The following WWOX variants were observed in gnomAD, a reference collection of about 807,000 sequenced individuals.
WWOX encodes the protein WW domain containing oxidoreductase, also known as WW domain-containing oxidoreductase.
Under a neutral mutation model 46.2 loss-of-function variants are expected in WWOX, and 69 were observed. That is an observed-to-expected ratio of 1.49 (90% CI 1.23 to 1.82). WWOX has a LOEUF of 1.82. Among genes scored for constraint, WWOX ranks in the 40% most tolerant of loss-of-function variants. The pLI, the probability that WWOX is intolerant of heterozygous loss-of-function variation, is 0.00. For synonymous variants in WWOX, 359 were observed against 202.6 expected (o/e 1.77, Z -6.56); for missense variants, 919 against 542.6 (o/e 1.69, Z -6.89).
chr16:78,285,951 C>T (rs1219142738), intron 5 of WWOX, among the ~76,000 whole-genome samples: 1 of 152,168 alleles, frequency 6.6e-6, no homozygotes, highest in Non-Finnish European at 1.5e-5. Context: ...CGACCTAAAG[C>T]CTGCTAGTGA....
At chr16:78,458,624 C>T (rs1463613741) in intron 8 of WWOX, among the ~76,000 whole-genome samples, 3 of 151,668 alleles carry the variant, frequency 2.0e-5, no homozygotes, top group African/African-American at 7.3e-5. Context: ...CATATGTGGT[C>T]ATTTAAAATT....
At chr16:78,559,129 A>G (rs1308806571) in intron 8 of WWOX, among the ~76,000 whole-genome samples, 1 of 152,216 alleles carries the variant, frequency 6.6e-6, no homozygotes, top group African/African-American at 2.4e-5. Flanking sequence ...GCTTGGAGAT[A>G]GAGCTGACCT....
At chr16:78,518,436 G>A (rs537811373) in intron 8 of WWOX, among the ~76,000 whole-genome samples, 2 of 152,032 alleles carry the variant, frequency 1.3e-5, no homozygotes, top group Non-Finnish European at 2.9e-5. Flanking sequence ...GGCCAGGTTG[G>A]TCGTGAACTC....
chr16:78,984,017 A>C (rs62036036), intron 8 of WWOX, among the ~76,000 whole-genome samples: 20,116 of 151,554 alleles, frequency 0.13, 1,464 homozygotes, highest in East Asian at 0.22. Context: ...AGCTGGGACT[A>C]CAGGCGCCTG....
At chr16:78,517,989 A>G (rs2043274365) in intron 8 of WWOX, among the ~76,000 whole-genome samples, 1 of 151,298 alleles carries the variant, frequency 6.6e-6, no homozygotes, top group Admixed American at 6.6e-5. Context: ...CTGAAAAGAG[A>G]AGTAACAGTC....
At chr16:78,430,649 G>A (rs1367752990) in intron 7 of WWOX, among the ~76,000 whole-genome samples, 2 of 152,072 alleles carry the variant, frequency 1.3e-5, no homozygotes, top group Non-Finnish European at 2.9e-5. Context: ...AATTAAGCTT[G>A]GAAGTCAGAC....
intron 8 of WWOX, among the ~76,000 whole-genome samples, chr16:78,484,037 A>G (rs1301141982): frequency 6.6e-6 from 1 of 152,224 alleles, no homozygotes; most frequent in Non-Finnish European, 1.5e-5. Context: ...AGGGTCAGTT[A>G]TAGATAAGTA....
chr16:79,151,655 C>T (rs970915723), intron 8 of WWOX, among the ~76,000 whole-genome samples: 1 of 149,474 alleles, frequency 6.7e-6, no homozygotes, highest in African/African-American at 2.5e-5. Flanking sequence ...GCCTGCAGAT[C>T]AGGGGTGCTA....
intron 8 of WWOX, among the ~76,000 whole-genome samples, chr16:79,032,682 A>G (rs184062856): frequency 9.4e-5 from 14 of 148,898 alleles, no homozygotes; most frequent in African/African-American, 3.4e-4. Context: ...ATATATATAT[A>G]CACACACACA....
chr16:78,411,208 G>A (rs2082672860), intron 6 of WWOX, among the ~76,000 whole-genome samples: 1 of 152,198 alleles, frequency 6.6e-6, no homozygotes, highest in Non-Finnish European at 1.5e-5. Flanking sequence ...CCAGGAAGCA[G>A]GGAGCATTGG....
chr16:78,433,741 C>T (rs1017833894), intron 8 of WWOX, among the ~76,000 whole-genome samples: 3 of 151,698 alleles, frequency 2.0e-5, no homozygotes, highest in Admixed American at 6.6e-5. Context: ...ACACTCATTC[C>T]CACCTGCCAC....
At chr16:78,988,420 C>T (rs968215216) in intron 8 of WWOX, among the ~76,000 whole-genome samples, 1 of 151,548 alleles carries the variant, frequency 6.6e-6, no homozygotes, top group Non-Finnish European at 1.5e-5. Context: ...TGTCACCATC[C>T]TTGGCCAAGG....
At chr16:78,682,686 A>T (rs2548882) in intron 8 of WWOX, among the ~76,000 whole-genome samples, 1 of 151,846 alleles carries the variant, frequency 6.6e-6, no homozygotes, top group African/African-American at 2.4e-5. Context: ...TTGGCCTGGG[A>T]AATATAGCAA....
At chr16:78,866,773 G>C (rs1240334519) in intron 8 of WWOX, among the ~76,000 whole-genome samples, 1 of 152,166 alleles carries the variant, frequency 6.6e-6, no homozygotes, top group East Asian at 1.9e-4. Context: ...CAGGGAATTG[G>C]GGACAGTCTG....
At chr16:79,107,047 G>A (rs1437870425) in intron 8 of WWOX, among the ~76,000 whole-genome samples, 1 of 152,076 alleles carries the variant, frequency 6.6e-6, no homozygotes, top group Non-Finnish European at 1.5e-5. Context: ...CTGACCTCAG[G>A]TGATGCACCC....
chr16:79,211,593 TTCTTGGATTTCC>T lies in WWOX; in HGVS notation c.1057-14_1057-3del. ...TTCTTAAAATTTTTTTTTGTCTTTC[TTCTTGGATTTCC>T]AGCAACAGGGAGCTGCCACCACCGT... On this transcript the variant is annotated splice_region_variant and splice_polypyrimidine_tract_variant and intron_variant, in intron 8 of 8. Transcript: ENST00000566780. The T allele has an allele frequency of 6.2e-7, 1 of 1,614,112 alleles. No individual in the cohort carries two copies. The highest frequency in any genetic ancestry group is 2.2e-5 in the East Asian group (1 of 44,872).
chr16:78,809,294 A>C (rs1376878179), intron 8 of WWOX, among the ~76,000 whole-genome samples: 1 of 151,142 alleles, frequency 6.6e-6, no homozygotes, highest in Non-Finnish European at 1.5e-5. Context: ...GAACCAAAGC[A>C]AAGCCAATAG....
At chr16:78,620,027 C>G (rs765056361) in intron 8 of WWOX, among the ~76,000 whole-genome samples, 1 of 152,194 alleles carries the variant, frequency 6.6e-6, no homozygotes, top group African/African-American at 2.4e-5. Flanking sequence ...AGACTAATCT[C>G]TAACGTCAGC....
intron 8 of WWOX, among the ~76,000 whole-genome samples, chr16:78,717,807 G>T (rs529452299): frequency 1.3e-5 from 2 of 152,058 alleles, no homozygotes. Context: ...GATGCCCTGT[G>T]GTTTTTCTCC....
Sources: gnomAD v4.1 joint callset for allele counts (sites outside exome capture counted in the v4.1 genomes callset) on GRCh38, gnomAD v4.1.1 for gene constraint, MANE v1.5 for transcripts, NCBI Gene and HGNC (gene_info 2026-07-23, HGNC 2026-07-21) for gene names.